The following ANO10 variants were observed in gnomAD, a reference collection of about 807,000 sequenced individuals.
ANO10 encodes the protein anoctamin 10.
In ANO10, 77 loss-of-function variants were observed where a neutral mutation model predicts 74.7. The observed-to-expected ratio is 1.03, with a 90% confidence interval of 0.86 to 1.25. The LOEUF (loss-of-function observed/expected upper bound fraction) is 1.25. Ranked by LOEUF, ANO10 falls within the 50% of genes most tolerant of loss-of-function variation. The probability of loss-of-function intolerance (pLI) is 0.00; values close to 1 mark genes in which losing one functional copy is unlikely to be tolerated. For synonymous variants in ANO10, 279 were observed against 284.9 expected (o/e 0.98, Z 0.21); for missense variants, 721 against 778.1 (o/e 0.93, Z 0.87).
intron 11 of ANO10, among the ~76,000 whole-genome samples, chr3:43,473,042 C>T (rs1386558269): frequency 1.3e-5 from 2 of 151,942 alleles, no homozygotes. Context: ...TTTAGCATTT[C>T]TGTATATTTG....
chr3:43,634,759 T>C (rs1480011544), intron 1 of ANO10, among the ~76,000 whole-genome samples: 1 of 150,570 alleles, frequency 6.6e-6, no homozygotes, highest in East Asian at 2.0e-4. Flanking sequence ...TGTTGGGGAG[T>C]AAGGCATCTA....
In ANO10 at chr3:43,396,072, A is replaced by AT. The variant is rs147741860; in HGVS notation, c.1915-29099dup. Reference sequence around the variant, plus strand: ...CTGAATGCCTTTTATTAATTTATTTATTTATTTTTTTTTTTTGCTTGATGG... The same window carrying AT: ...CTGAATGCCTTTTATTAATTTATTTATTTTATTTTTTTTTTTTGCTTGATGG... On this transcript the variant is annotated intron_variant, in intron 12 of 12. Coordinates refer to ENST00000292246, the MANE Select transcript of ANO10 (RefSeq NM_018075.5). 0.015 allele frequency among the ~76,000 whole-genome samples: 2,131 copies of AT among 145,620 alleles called. 121 individuals are homozygous for AT. The East Asian group carries it at 0.2, about 13-fold the overall frequency.
At chr3:43,512,303 G>A (rs542165902) in intron 11 of ANO10, among the ~76,000 whole-genome samples, 90 of 152,330 alleles carry the variant, frequency 5.9e-4, no homozygotes, top group African/African-American at 2.0e-3. Flanking sequence ...TCAGGGACCA[G>A]TCAGACATGA....
intron 12 of ANO10, among the ~76,000 whole-genome samples, chr3:43,425,149 G>C (rs1020647477): frequency 6.6e-6 from 1 of 151,086 alleles, no homozygotes; most frequent in Non-Finnish European, 1.5e-5. Flanking sequence ...CTTAATTCTA[G>C]GCTGTAAAAT....
At chr3:43,597,776 A>C (rs982328380) in intron 4 of ANO10, among the ~76,000 whole-genome samples, 9 of 151,966 alleles carry the variant, frequency 5.9e-5, no homozygotes, top group Middle Eastern at 3.2e-3. Flanking sequence ...ATAAATAAAA[A>C]ATTTTTAAAA....
At chr3:43,634,237 T>C (rs2083581837) in intron 1 of ANO10, among the ~76,000 whole-genome samples, 1 of 152,102 alleles carries the variant, frequency 6.6e-6, no homozygotes, top group South Asian at 2.1e-4. Context: ...GTAACTGAAC[T>C]TCAGAGTTAC....
intron 11 of ANO10, among the ~76,000 whole-genome samples, chr3:43,516,723 G>A (rs893821939): frequency 9.2e-5 from 14 of 152,192 alleles, no homozygotes; most frequent in African/African-American, 3.4e-4. Flanking sequence ...GGGATTGAAG[G>A]AGTAGGCATT....
chr3:43,368,787 T>A (rs1209654492), intron 12 of ANO10, among the ~76,000 whole-genome samples: 1 of 151,896 alleles, frequency 6.6e-6, no homozygotes, highest in Non-Finnish European at 1.5e-5. Context: ...GCTCAAGGGA[T>A]CCTCCTGCCT....
chr3:43,617,735 A>T (rs1041803669), intron 1 of ANO10, among the ~76,000 whole-genome samples: 1 of 152,202 alleles, frequency 6.6e-6, no homozygotes, highest in African/African-American at 2.4e-5. Context: ...GTAAAGAAAA[A>T]AAAAGTCAAT....
chr3:43,497,100 T>C (rs1235740876), intron 11 of ANO10, among the ~76,000 whole-genome samples: 4 of 152,208 alleles, frequency 2.6e-5, no homozygotes, highest in Non-Finnish European at 4.4e-5. Flanking sequence ...TGAGCACTTT[T>C]TCTTATTCTG....
intron 7 of ANO10, among the ~76,000 whole-genome samples, chr3:43,570,525 C>A (rs1052279932): frequency 2.6e-5 from 4 of 152,102 alleles, no homozygotes; most frequent in Admixed American, 2.6e-4. Context: ...TCACAAATAA[C>A]GCCGCATATC....
At chr3:43,387,101 TA>T (rs1380861380) in intron 12 of ANO10, among the ~76,000 whole-genome samples, 6 of 152,320 alleles carry the variant, frequency 3.9e-5, no homozygotes, top group African/African-American at 1.4e-4. Flanking sequence ...TATATGGACC[TA>T]GGTGACACAG....
At chr3:43,560,223 A>T (rs963199359) in intron 9 of ANO10, among the ~76,000 whole-genome samples, 4 of 152,190 alleles carry the variant, frequency 2.6e-5, no homozygotes, top group African/African-American at 9.7e-5. Flanking sequence ...CTGTGACCAG[A>T]TCTATAAAAT....
intron 11 of ANO10, among the ~76,000 whole-genome samples, chr3:43,464,797 C>A (rs574726479): frequency 6.9e-4 from 105 of 152,204 alleles, no homozygotes; most frequent in Non-Finnish European, 1.3e-3. Context: ...TTTTGACAAA[C>A]TTCAGTAGTC....
chr3:43,442,887 T>C (rs761900248), intron 11 of ANO10, among the ~76,000 whole-genome samples: 3 of 152,236 alleles, frequency 2.0e-5, no homozygotes, highest in African/African-American at 4.8e-5. Flanking sequence ...ATAGATTGTA[T>C]AGAAAGACTG....
chr3:43,513,201 C>A (rs72865039), intron 11 of ANO10, among the ~76,000 whole-genome samples: 6 of 152,170 alleles, frequency 3.9e-5, no homozygotes, highest in African/African-American at 9.7e-5. Context: ...GGACTGAGAA[C>A]AGTGTCTGTC....
At chr3:43,572,020 C>T (rs1031487114) in intron 7 of ANO10, among the ~76,000 whole-genome samples, 1 of 152,054 alleles carries the variant, frequency 6.6e-6, no homozygotes, top group African/African-American at 2.4e-5. Flanking sequence ...TAAAGGAAGA[C>T]GAGATGGTTT....
intron 3 of ANO10, among the ~76,000 whole-genome samples, chr3:43,599,271 T>C (rs1371292373): frequency 1.3e-5 from 2 of 152,188 alleles, no homozygotes; most frequent in African/African-American, 4.8e-5. Context: ...ATCTTCTAAC[T>C]CTGAAAGCCC....
chr3:43,542,501 T>C (rs753560056), intron 11 of ANO10, among the ~76,000 whole-genome samples: 3 of 152,164 alleles, frequency 2.0e-5, no homozygotes, highest in Non-Finnish European at 2.9e-5. Context: ...TATGAACTAA[T>C]TGCTGAAAGA....
Sources: allele counts gnomAD v4.1 joint callset (sites outside exome capture counted in the v4.1 genomes callset), GRCh38; gene constraint gnomAD v4.1.1; transcripts MANE v1.5; gene names NCBI Gene and HGNC (gene_info 2026-07-23, HGNC 2026-07-21).